GHR: variants seen among roughly 807,000 people sequenced by gnomAD.
The protein encoded by GHR is GH receptor.
In GHR, 35 loss-of-function variants were observed where a neutral mutation model predicts 67.1. That is an observed-to-expected ratio of 0.52 (90% CI 0.40 to 0.69). The LOEUF is 0.69. Among genes scored for constraint, GHR ranks in the 30% least tolerant of loss-of-function variants. GHR has a pLI of 0.00. For missense variants in GHR, 792 were observed against 764.6 expected (o/e 1.04, Z -0.42); for synonymous variants, 272 against 269.1 (o/e 1.01, Z -0.10).
At chr5:42,593,481 T>G (rs1461594508) in intron 2 of GHR, among the ~76,000 whole-genome samples, 20 of 152,192 alleles carry the variant, frequency 1.3e-4, no homozygotes, top group Non-Finnish European at 2.9e-4. Flanking sequence ...ATATTCAAGG[T>G]CCCTGTGCTG....
Position 42,719,136 on chromosome 5 carries a change from C to A in GHR, c.1629C>A (p.Cys543Ter), listed in dbSNP as rs1561256656. Reference protein sequence around the residue: ...AYFCEADAKKCIPVAPHIKVE... With the variant: ...AYFCEADAKK ...TCTGTGAGGCAGATGCCAAAAAGTG[C>A]ATCCCTGTGGCTCCTCACATCAAGG... The change falls in exon 10 of 10, where the codon TGC becomes TGA. Residue 543 changes from cysteine to a stop codon, truncating the protein, a stop_gained. Coordinates refer to ENST00000230882, the MANE Select transcript of GHR (RefSeq NM_000163.5). LOFTEE classifies it high-confidence loss of function. 2 of 1,614,054 alleles carry A rather than the reference C, an allele frequency of 1.2e-6. No individual in the cohort carries two copies. The highest frequency in any genetic ancestry group is 2.2e-5 in the South Asian group (2 of 91,076).
chr5:42,594,579 G>A (rs1205815915), intron 2 of GHR, among the ~76,000 whole-genome samples: 1 of 152,142 alleles, frequency 6.6e-6, no homozygotes, highest in Non-Finnish European at 1.5e-5. Flanking sequence ...ATATAGCAGT[G>A]CCAACTGTGG....
chr5:42,594,827 A>G lies in GHR; in HGVS notation c.70+28883A>G, dbSNP rs181316540. On this transcript the variant is annotated intron_variant, in intron 2 of 9. Coordinates refer to ENST00000230882, the MANE Select transcript of GHR (RefSeq NM_000163.5). ...ACTGTCTTAGTAATTAAAACTAAGA[A>G]AATTGTAAAACAACACATCCCATTA... 5.5e-4 allele frequency among the ~76,000 whole-genome samples: 84 copies of G among 152,320 alleles called. 1 individual carries two copies. Among genetic ancestry groups the G allele is most frequent in the African/African-American group, 1.8e-3 (75 of 41,580 alleles).
chr5:42,658,013 G>T (rs1194706501), intron 3 of GHR, among the ~76,000 whole-genome samples: 1 of 152,178 alleles, frequency 6.6e-6, no homozygotes, highest in Non-Finnish European at 1.5e-5. Context: ...CATTTTTTAT[G>T]AGGGGATGTG....
intron 1 of GHR, among the ~76,000 whole-genome samples, chr5:42,542,029 GACA>G: frequency 6.6e-6 from 1 of 152,274 alleles, no homozygotes; most frequent in Middle Eastern, 3.4e-3. Flanking sequence ...TTATGATTTG[GACA>G]ACATCATCAT....
intron 3 of GHR, among the ~76,000 whole-genome samples, chr5:42,631,287 G>A (rs1753916606): frequency 6.6e-6 from 1 of 152,028 alleles, no homozygotes; most frequent in Admixed American, 6.5e-5. Context: ...ATTCATATGT[G>A]GTAAGTCACA....
At chr5:42,694,849 C>T (rs1757592446) in intron 4 of GHR, 68 bp from the exon 5 acceptor site, 1 of 1,178,446 alleles carries the variant, frequency 8.5e-7, no homozygotes, top group South Asian at 1.2e-5. Context: ...CTATCAAGCA[C>T]CTTACTTGGA....
chr5:42,590,465 G>T (rs915744237), intron 2 of GHR, among the ~76,000 whole-genome samples: 1 of 152,020 alleles, frequency 6.6e-6, no homozygotes, highest in Non-Finnish European at 1.5e-5. Context: ...TTTATTGTGG[G>T]GAAGACTGCT....
At chr5:42,647,371 G>A (rs1043882309) in intron 3 of GHR, among the ~76,000 whole-genome samples, 1 of 151,876 alleles carries the variant, frequency 6.6e-6, no homozygotes, top group Admixed American at 6.6e-5. Context: ...TCAGGAAATC[G>A]AGACCATCCT....
intron 3 of GHR, among the ~76,000 whole-genome samples, chr5:42,667,029 G>A (rs1580162078): frequency 6.6e-6 from 1 of 152,098 alleles, no homozygotes; most frequent in Non-Finnish European, 1.5e-5. Flanking sequence ...CTTGGAGTTG[G>A]CTCTGCTCCC....
intron 1 of GHR, among the ~76,000 whole-genome samples, chr5:42,538,521 G>T (rs945677828): frequency 6.6e-6 from 1 of 152,182 alleles, no homozygotes; most frequent in Non-Finnish European, 1.5e-5. Flanking sequence ...TATCTAGCTT[G>T]CAGGGTTTCT....
intron 1 of GHR, among the ~76,000 whole-genome samples, chr5:42,547,159 T>G (rs1292090541): frequency 6.6e-6 from 1 of 152,210 alleles, no homozygotes; most frequent in African/African-American, 2.4e-5. Context: ...CTCTAAGTGT[T>G]TCTCATCTTA....
intron 1 of GHR, among the ~76,000 whole-genome samples, chr5:42,481,522 C>A (rs1339414153): frequency 1.3e-5 from 2 of 152,214 alleles, no homozygotes; most frequent in East Asian, 1.9e-4. Flanking sequence ...CTTTCAGGTA[C>A]ACCAATCAGA....
At chr5:42,474,295 G>GAGAAAGAGAGAAAGAA in intron 1 of GHR, among the ~76,000 whole-genome samples, 1 of 81,112 alleles carries the variant, frequency 1.2e-5, no homozygotes, top group South Asian at 4.5e-4. Context: ...AAAAGAGAAA[G>GAGAAAGAGAGAAAGAA]AGAAAGAAAG....
intron 5 of GHR, 61 bp from the exon 6 acceptor site, chr5:42,699,763 T>C: frequency 9.8e-7 from 1 of 1,023,150 alleles, no homozygotes; most frequent in African/African-American, 1.6e-5. Flanking sequence ...CTGAGAAGAA[T>C]GCCTTCCATT....
chr5:42,587,402 C>T (rs1180219786), intron 2 of GHR, among the ~76,000 whole-genome samples: 2 of 152,082 alleles, frequency 1.3e-5, no homozygotes, highest in Non-Finnish European at 1.5e-5. Context: ...TTTTCTTTTC[C>T]CCTTTCTCTT....
chr5:42,510,045 A>G (rs58179197), intron 1 of GHR, among the ~76,000 whole-genome samples: 2,898 of 152,232 alleles, frequency 0.019, 160 homozygotes, highest in East Asian at 0.13. Context: ...TCTGTACTGA[A>G]TCGATCACCC....
chr5:42,539,170 A>G (rs974299959), intron 1 of GHR, among the ~76,000 whole-genome samples: 11 of 151,106 alleles, frequency 7.3e-5, no homozygotes, highest in African/African-American at 1.5e-4. Flanking sequence ...AACCTCCTGA[A>G]TTCTTTCTCA....
chr5:42,661,872 G>C (rs1580149391), intron 3 of GHR, among the ~76,000 whole-genome samples: 1 of 152,284 alleles, frequency 6.6e-6, no homozygotes, highest in East Asian at 1.9e-4. Context: ...CTCACGTGCA[G>C]AGACACACAC....
Sources: gnomAD v4.1 joint callset for allele counts (sites outside exome capture counted in the v4.1 genomes callset) on GRCh38, gnomAD v4.1.1 for gene constraint, MANE v1.5 for transcripts, NCBI Gene and HGNC (gene_info 2026-07-23, HGNC 2026-07-21) for gene names.